The following ALLC variants were observed in gnomAD, a reference collection of about 807,000 sequenced individuals.
The protein encoded by ALLC is allantoicase.
In ALLC, 40 loss-of-function variants were observed where a neutral mutation model predicts 45.0. The observed-to-expected ratio is 0.89, with a 90% CI of 0.69 to 1.16. The LOEUF (loss-of-function observed/expected upper bound fraction) is 1.16, where lower values mean the gene tolerates loss of function less well. Among genes scored for constraint, ALLC ranks in the 50% most tolerant of loss-of-function variants. The probability of loss-of-function intolerance (pLI) is 0.00; values close to 1 mark genes in which losing one functional copy is unlikely to be tolerated. For synonymous variants in ALLC, 176 were observed against 178.1 expected, an observed-to-expected ratio of 0.99 and a Z score of 0.09; for missense variants, 488 against 493.1, an observed-to-expected ratio of 0.99 and a Z score of 0.10.
chr2:3,665,398 C>G (rs1666680082), intron 1 of ALLC, among the ~76,000 whole-genome samples: 2 of 152,104 alleles, frequency 1.3e-5, no homozygotes, highest in African/African-American at 4.8e-5. Flanking sequence ...TGGTTTGCGG[C>G]ACAGATCAAC....
At chr2:3,648,358 T>C in the ALLC span, among the ~76,000 whole-genome samples, 7 of 152,316 alleles carry the variant, frequency 4.6e-5, no homozygotes, top group African/African-American at 1.4e-4. Context: ...CTGCCCAGGC[T>C]GGGGGAGCCA....
intron 1 of ALLC, among the ~76,000 whole-genome samples, chr2:3,667,556 G>A (rs1051679731): frequency 1.8e-4 from 27 of 152,228 alleles, no homozygotes; most frequent in African/African-American, 6.3e-4. Context: ...ATCTGTCAAA[G>A]ACGCGTTCCT....
chr2:3,660,852 G>C (rs1267538977), intron 1 of ALLC, among the ~76,000 whole-genome samples: 1 of 152,042 alleles, frequency 6.6e-6, no homozygotes, highest in Admixed American at 6.6e-5. Flanking sequence ...CAGGTGATCG[G>C]AATGAGTCAG....
Position 3,681,697 on chromosome 2 carries a change from T to C in ALLC, c.362T>C (p.Phe121Ser), listed in dbSNP as rs142054647. The C allele has an allele frequency of 6.2e-7, 1 of 1,609,658 alleles. No homozygotes were observed. The highest frequency in any genetic ancestry group is 1.7e-5 in the Admixed American group (1 of 59,562). Residue 121 changes from phenylalanine to serine, a missense_variant, in exon 6 of 12, where the codon TTT becomes TCT. Physicochemically the swap from Phe to Ser is radical, Grantham distance 155 (BLOSUM62 -2). Transcript: ENST00000252505. ...GGAGCTGCAGCCACTCCTGAGGAGT[T>C]TGAAGCCATTGCTGAGGTACATCTC... Reference protein sequence around the residue: ...RTGAAATPEEFEAIAELKSDD... With the variant: ...RTGAAATPEESEAIAELKSDD...
chr2:3,683,908 T>A (rs954780039), intron 7 of ALLC, among the ~76,000 whole-genome samples: 3 of 152,134 alleles, frequency 2.0e-5, no homozygotes, highest in Non-Finnish European at 2.9e-5. Flanking sequence ...TGCAAATATT[T>A]AAAAAAACTG....
chr2:3,668,697 T>A (rs1666790558), intron 1 of ALLC, among the ~76,000 whole-genome samples: 1 of 148,762 alleles, frequency 6.7e-6, no homozygotes, highest in South Asian at 2.2e-4. Flanking sequence ...TGCCTCAGCG[T>A]CCCAAGTAGC....
At chr2:3,652,152 G>A in the ALLC span, among the ~76,000 whole-genome samples, 1 of 152,256 alleles carries the variant, frequency 6.6e-6, no homozygotes, top group Non-Finnish European at 1.5e-5. Context: ...AGGGAACAAA[G>A]CCCATGGATT....
chr2:3,663,406 C>T (rs1666623495), intron 1 of ALLC, among the ~76,000 whole-genome samples: 1 of 152,136 alleles, frequency 6.6e-6, no homozygotes, highest in African/African-American at 2.4e-5. Context: ...GAACATCACA[C>T]ACTGGGGCCT....
intron 1 of ALLC, among the ~76,000 whole-genome samples, chr2:3,664,913 C>A (rs558171079): frequency 4.6e-5 from 7 of 151,554 alleles, no homozygotes; most frequent in Non-Finnish European, 7.4e-5. Context: ...AAAACCCCCC[C>A]CCAAACCAGA....
chr2:3,699,636 C>G (rs139010710), intron 10 of ALLC, among the ~76,000 whole-genome samples: 154 of 152,192 alleles, frequency 1.0e-3, no homozygotes, highest in Non-Finnish European at 1.9e-3. Context: ...ATATATGTTC[C>G]CTTTTCTCCA....
the ALLC span, among the ~76,000 whole-genome samples, chr2:3,650,035 A>AGT: frequency 2.0e-5 from 3 of 152,264 alleles, no homozygotes; most frequent in Non-Finnish European, 4.4e-5. Flanking sequence ...GTGATGCATT[A>AGT]GTGCCCTGGA....
chr2:3,648,376 C>T, the ALLC span, among the ~76,000 whole-genome samples: 1 of 152,080 alleles, frequency 6.6e-6, no homozygotes, highest in Non-Finnish European at 1.5e-5. Flanking sequence ...CCAAGACGCT[C>T]CTGACACTGG....
intron 1 of ALLC, among the ~76,000 whole-genome samples, chr2:3,669,748 G>A (rs1666815951): frequency 1.3e-5 from 2 of 152,200 alleles, no homozygotes; most frequent in African/African-American, 4.8e-5. Context: ...GTCTGAAGGT[G>A]CCACCAAGGC....
chr2:3,701,909 G>A (rs1185928859), intron 11 of ALLC, among the ~76,000 whole-genome samples: 1 of 152,168 alleles, frequency 6.6e-6, no homozygotes, highest in Non-Finnish European at 1.5e-5. Flanking sequence ...TAGAAGGGGC[G>A]ACTAGCACAT....
Position 3,680,059 on chromosome 2 carries a change from C to G in ALLC, c.298+65C>G. 6.2e-7 allele frequency: 1 copy of G among 1,602,368 alleles called. No individual in the cohort carries two copies. The highest frequency in any genetic ancestry group is 8.5e-7 in the Non-Finnish European group (1 of 1,171,554). On this transcript the variant is annotated intron_variant, in intron 5 of 11. Transcript: ENST00000252505. The surrounding 1 kb of genome is among the most constrained non-coding windows in gnomAD (Gnocchi z 4.0). ...GTCACATGGCTCCTCTGGCCAGCCA[C>G]AGCCCCACAACTGCTCACTTTCCCT...
At chr2:3,688,647 C>A in intron 7 of ALLC, 1 of 176,654 alleles carries the variant, frequency 5.7e-6, no homozygotes, top group South Asian at 1.1e-4. Flanking sequence ...TTGGCTTACC[C>A]CTCTAAGTGA....
At chr2:3,688,715 C>G (rs577508534) in intron 7 of ALLC, 1 of 152,724 alleles carries the variant, frequency 6.5e-6, no homozygotes, top group African/African-American at 2.4e-5. Flanking sequence ...ATAATCAGCA[C>G]CGCTGTCATT....
chr2:3,647,280 C>T, the ALLC span, among the ~76,000 whole-genome samples: 1 of 150,856 alleles, frequency 6.6e-6, no homozygotes, highest in South Asian at 2.1e-4. Context: ...GTCAGTCTTT[C>T]TAGGCCTTTT....
intron 7 of ALLC, among the ~76,000 whole-genome samples, chr2:3,689,803 GT>G (rs1232213349): frequency 1.3e-5 from 2 of 150,768 alleles, no homozygotes; most frequent in Non-Finnish European, 3.0e-5. Context: ...AAAGTGAGGT[GT>G]TGAAGTCCCC....
Sources: gnomAD v4.1 joint callset for allele counts (sites outside exome capture counted in the v4.1 genomes callset) on GRCh38, gnomAD v4.1.1 for gene constraint, Gnocchi (gnomAD v3.1) non-coding constraint, MANE v1.5 for transcripts, NCBI Gene and HGNC (gene_info 2026-07-23, HGNC 2026-07-21) for gene names.